Variants in COL7A1 observed in about 807,000 individuals in gnomAD.
The protein encoded by COL7A1 is collagen type VII alpha 1 chain, also known as collagen alpha-1(VII) chain.
COL7A1 carries 296 observed loss-of-function variants against 456.2 expected under a neutral mutation model. That is an observed-to-expected ratio of 0.65 (90% CI 0.59 to 0.71). The LOEUF is 0.71. Ranked by LOEUF, COL7A1 falls within the 30% of genes least tolerant of loss-of-function variation. COL7A1 has a pLI of 0.00. For missense variants in COL7A1, 3,441 were observed against 4,017.2 expected, an observed-to-expected ratio of 0.86 and a Z score of 3.88; for synonymous variants, 1,464 against 1,525.9, an observed-to-expected ratio of 0.96 and a Z score of 0.95.
chr3:48,591,808 G>A lies in COL7A1; in HGVS notation c.1372C>T (p.Gln458Ter). 1 of 1,614,178 alleles carries A rather than the reference G, an allele frequency of 6.2e-7. No homozygotes were observed. Among genetic ancestry groups the A allele is most frequent in the Non-Finnish European group, 8.5e-7 (1 of 1,180,032 alleles). ...ACATCAGAGGGCAGTACCACCTTCT[G>A]CGGTGGCTCCAAGCCTGCAAGATAA... is the stretch of plus-strand genomic sequence containing the variant. ...WRRETGLEPP[Q>*]KVVLPSDVTR... Residue 458 changes from glutamine (Q) to a stop codon, truncating the protein, a stop_gained, in exon 12 of 119, where the codon CAG (glutamine) becomes TAG (stop). Transcript: ENST00000681320. LOFTEE classifies it high-confidence loss of function. This position sits in a 1 kb window ranked among gnomAD's most constrained non-coding sequence, Gnocchi z 7.0.
chr3:48,576,088 C>T (rs1560218592), intron 71 of COL7A1, among the ~76,000 whole-genome samples, 161 bp downstream of exon 71: 1 of 152,170 alleles, frequency 6.6e-6, no homozygotes, highest in Admixed American at 6.5e-5. Context: ...TCCCCACTGC[C>T]CAAGTTCCCT....
rs2044760978 is a variant in COL7A1, at chr3:48,581,585, G to A, written c.4770C>T (p.Asp1590=). ...VLPGDPGPKG[D]PGDRGPIGLT... ...CACATTGATTCACCCGGTCTCCAGG[G>A]TCTCCCTTGGGGCCAGGGTCTCCAG... is the stretch of plus-strand genomic sequence containing the variant. The change falls in exon 50 of 119, where the codon GAC becomes GAT. Residue 1590 remains aspartate, a synonymous_variant. Coordinates refer to ENST00000681320, the MANE Select transcript of COL7A1 (RefSeq NM_000094.4). The surrounding 1 kb of genome is among the most constrained non-coding windows in gnomAD (Gnocchi z 5.8). 3 of 1,614,002 alleles carry A rather than the reference G, an allele frequency of 1.9e-6. No individual in the cohort carries two copies. The highest frequency in any genetic ancestry group is 1.7e-5 in the Admixed American group (1 of 59,994).
rs1393537216 is a variant in COL7A1, at chr3:48,585,955, T to G, written c.3744A>C (p.Pro1248=). ...FTTQPRPEPC[P]VYCPKGQKGE... is the part of the protein sequence containing the mutation. Reference sequence around the variant, plus strand: ...GGACTCTTACCTTTGGACAATACACTGGGCAGGGCTCTGGCCGGGGCTGCG... The same window carrying G: ...GGACTCTTACCTTTGGACAATACACGGGGCAGGGCTCTGGCCGGGGCTGCG... Residue 1248 remains proline (P), a synonymous_variant, in exon 29 of 119, where the codon CCA becomes CCC. Coordinates refer to ENST00000681320, the MANE Select transcript of COL7A1 (RefSeq NM_000094.4). The surrounding 1 kb of genome is among the most constrained non-coding windows in gnomAD (Gnocchi z 4.5). The G allele has an allele frequency of 2.5e-6, 4 of 1,614,030 alleles. No individual in the cohort carries two copies. Among genetic ancestry groups the G allele is most frequent in the Middle Eastern group, 1.6e-4 (1 of 6,062 alleles).
chr3:48,568,151 C>G lies in COL7A1; in HGVS notation c.7814G>C (p.Gly2605Ala), dbSNP rs775060518. 6.2e-7 allele frequency: 1 copy of G among 1,613,928 alleles called. No homozygotes were observed. The highest frequency in any genetic ancestry group is 8.5e-7 in the Non-Finnish European group (1 of 1,180,032). Residue 2605 changes from glycine to alanine, a missense_variant, in exon 106 of 119, where the codon GGA becomes GCA. Around this residue, in one of 3 missense-constraint regions of COL7A1, gnomAD observed 2,084 missense variants for 2,501.3 expected, o/e 0.83. Transcript: ENST00000681320. This position sits in a 1 kb window ranked among gnomAD's most constrained non-coding sequence, Gnocchi z 5.2. ...TTTTTCTCCTCGGATACCAGGCACT[C>G]CATCCTTTCCTGGGGATCCCTAGCA... ...PGDPGSPGKD[G>A]VPGIRGEKGD... is the part of the protein sequence containing the mutation.
At position 48,568,537 on chromosome 3, in the gene COL7A1, G is replaced by C. The variant is rs1030248456; in HGVS notation, c.7759-3C>G. 2.5e-6 allele frequency: 4 copies of C among 1,607,298 alleles called. No individual in the cohort carries two copies. The highest frequency in any genetic ancestry group is 2.6e-6 in the Non-Finnish European group (3 of 1,175,210). On this transcript the variant is annotated splice_region_variant and splice_polypyrimidine_tract_variant and intron_variant, in intron 104 of 118. Transcript: ENST00000681320. The surrounding 1 kb of genome is among the most constrained non-coding windows in gnomAD (Gnocchi z 5.2). ...ATCCCTGCTGCACCAGGTTGACCCT[G>C]TGAGAAACACAGATGGGGGAGCCCT...
In COL7A1 at chr3:48,575,512, C is replaced by T. The variant is rs121912832; in HGVS notation, c.6007G>A (p.Gly2003Arg). ...EGPIGFPGERGLKGDRGDPGP... is the reference protein window; with the variant it reads ...EGPIGFPGERRLKGDRGDPGP... ...GGGTCTCCACGGTCGCCCTTCAGCCCGCGTTCTCCAGGAAAGCCGATGGGG... is the reference window on the plus strand; with the variant it reads ...GGGTCTCCACGGTCGCCCTTCAGCCTGCGTTCTCCAGGAAAGCCGATGGGG... The change falls in exon 74 of 119, where the codon GGG (glycine) becomes AGG (arginine). Residue 2003 changes from glycine (G) to arginine (R), a missense_variant. By Grantham distance (125) the Gly-to-Arg change is moderately radical. Around this residue, in one of 3 missense-constraint regions of COL7A1, gnomAD observed 2,084 missense variants for 2,501.3 expected, o/e 0.83. Transcript: ENST00000681320. This position sits in a 1 kb window ranked among gnomAD's most constrained non-coding sequence, Gnocchi z 6.3. The T allele has an allele frequency of 1.9e-6, 3 of 1,612,732 alleles. No individual in the cohort carries two copies. Among genetic ancestry groups the T allele is most frequent in the Non-Finnish European group, 2.5e-6 (3 of 1,179,890 alleles).
In COL7A1 at chr3:48,593,169, C is replaced by A. The variant is rs774431651; in HGVS notation, c.615G>T (p.Arg205Ser). ...FFFVNDFSIL[R>S]TLLPLVSRRV... ...TCCGGGAAACGAGGGGCAGTAGTGT[C>A]CTCAAGATGCTGAAGTCATTGACGA... Residue 205 changes from arginine (R) to serine (S), a missense_variant, in exon 6 of 119, where the codon AGG becomes AGT. Physicochemically the swap from Arg to Ser is moderately radical, Grantham distance 110. Transcript: ENST00000681320. The surrounding 1 kb of genome is among the most constrained non-coding windows in gnomAD (Gnocchi z 4.4). 6.2e-7 allele frequency: 1 copy of A among 1,614,106 alleles called. No individual in the cohort carries two copies. The highest frequency in any genetic ancestry group is 8.5e-7 in the Non-Finnish European group (1 of 1,180,016).
chr3:48,579,212 C>T lies in COL7A1; in HGVS notation c.5373G>A (p.Gly1791=). The change falls in exon 62 of 119, where the codon GGG becomes GGA. Residue 1791 remains glycine, a synonymous_variant. Transcript: ENST00000681320. This position sits in a 1 kb window ranked among gnomAD's most constrained non-coding sequence, Gnocchi z 4.4. ...CAAGACTCACATTCGGCCCAGAGGG[C>T]CCAGCGGCTCCTGGTTTCCCATCCA... ...SGLDGKPGAA[G]PSGPNGAAGK... The T allele has an allele frequency of 6.2e-7, 1 of 1,613,560 alleles. No homozygotes were observed. The highest frequency in any genetic ancestry group is 8.5e-7 in the Non-Finnish European group (1 of 1,180,016).
In COL7A1 at chr3:48,578,795, AC is replaced by A. The variant is rs2044507453; in HGVS notation, c.5424+123del. On this transcript the variant is annotated intron_variant, in intron 63 of 118. Coordinates refer to ENST00000681320, the MANE Select transcript of COL7A1 (RefSeq NM_000094.4). This position sits in a 1 kb window ranked among gnomAD's most constrained non-coding sequence, Gnocchi z 4.7. ...TAAAACCTGTGTGCCAGGGACTGAGACCCTCCCAAAGGCAAGGCTGAACCGA... is the reference window on the plus strand; with the variant it reads ...TAAAACCTGTGTGCCAGGGACTGAGACCTCCCAAAGGCAAGGCTGAACCGA... 1 of 1,010,004 alleles carries A rather than the reference AC, an allele frequency of 9.9e-7. No homozygotes were observed. The highest frequency in any genetic ancestry group is 2.7e-5 in the Admixed American group (1 of 37,656). 62.6% of individuals were successfully genotyped at this position (1,010,004 alleles called of 1,614,324 possible).
chr3:48,576,858 A>T, intron 67 of COL7A1, 26 bp downstream of exon 67: 1 of 1,614,080 alleles, frequency 6.2e-7, no homozygotes, highest in Non-Finnish European at 8.5e-7. Context: ...CAGGGGTCAG[A>T]GGTTGCAGAA....
In COL7A1 at chr3:48,570,819, A is replaced by G; in HGVS notation, c.7272+42T>C. The G allele has an allele frequency of 1.9e-6, 3 of 1,579,660 alleles. No individual in the cohort carries two copies. The highest frequency in any genetic ancestry group is 2.6e-6 in the Non-Finnish European group (3 of 1,162,514). ...AGGCAGGGCCCCCTCCTCACCCACCATGGATTCACCATGCCCCTACATGCT... is the reference window on the plus strand; with the variant it reads ...AGGCAGGGCCCCCTCCTCACCCACCGTGGATTCACCATGCCCCTACATGCT... On this transcript the variant is annotated intron_variant, in intron 95 of 118. Transcript: ENST00000681320. The surrounding 1 kb of genome is among the most constrained non-coding windows in gnomAD (Gnocchi z 5.5).
In COL7A1 at chr3:48,591,409, C is replaced by T. The variant is rs2045687286; in HGVS notation, c.1636+55G>A. The T allele has an allele frequency of 1.2e-6, 2 of 1,606,074 alleles. No homozygotes were observed. Among genetic ancestry groups the T allele is most frequent in the Non-Finnish European group, 1.7e-6 (2 of 1,175,750 alleles). ...AGAGGGCTGGAGGTACACTCAGACC[C>T]CTCAGGCTGGAACTTCAGTGTGTGT... On this transcript the variant is annotated intron_variant, in intron 13 of 118. Transcript: ENST00000681320. The surrounding 1 kb of genome is among the most constrained non-coding windows in gnomAD (Gnocchi z 7.0).
At position 48,583,981 on chromosome 3, in the gene COL7A1, G is replaced by A; in HGVS notation, c.4225-28C>T. On this transcript the variant is annotated intron_variant, in intron 38 of 118. Transcript: ENST00000681320. The surrounding 1 kb of genome is among the most constrained non-coding windows in gnomAD (Gnocchi z 5.1). ...GGGAGAGAACAGCAGGTCAGGGAAT[G>A]AACAGGGGAATCAGACTCCAAGCCA... is the stretch of plus-strand genomic sequence containing the variant. The A allele has an allele frequency of 1.2e-6, 2 of 1,613,932 alleles. No homozygotes were observed. The highest frequency in any genetic ancestry group is 2.2e-5 in the East Asian group (1 of 44,848).
In COL7A1 at chr3:48,567,990, C is replaced by T. The variant is rs2043683602; in HGVS notation, c.7876-99G>A. 9 of 1,599,342 alleles carry T rather than the reference C, an allele frequency of 5.6e-6. No homozygotes were observed. Among genetic ancestry groups the T allele is most frequent in the Admixed American group, 1.7e-5 (1 of 59,718 alleles). On this transcript the variant is annotated intron_variant, in intron 106 of 118. Coordinates refer to ENST00000681320, the MANE Select transcript of COL7A1 (RefSeq NM_000094.4). The surrounding 1 kb of genome is among the most constrained non-coding windows in gnomAD (Gnocchi z 4.3). Reference sequence around the variant, plus strand: ...CTCTCCAAACAGGCCTCAGCTACTCCAACCTCTGACCCAGTGCCCTAATAT... The same window carrying T: ...CTCTCCAAACAGGCCTCAGCTACTCTAACCTCTGACCCAGTGCCCTAATAT...
Position 48,580,216 on chromosome 3 carries a change from C to T in COL7A1, c.5097+84G>A, listed in dbSNP as rs2044644357. ...CATCCATGCTTCCCACCTGGACCTCCAGACCCCTTGTGTGAAGGCACACTG... is the reference window on the plus strand; with the variant it reads ...CATCCATGCTTCCCACCTGGACCTCTAGACCCCTTGTGTGAAGGCACACTG... On this transcript the variant is annotated intron_variant, in intron 56 of 118. Transcript: ENST00000681320. This position sits in a 1 kb window ranked among gnomAD's most constrained non-coding sequence, Gnocchi z 4.5. The T allele has an allele frequency of 1.3e-6, 2 of 1,564,548 alleles. No individual in the cohort carries two copies. Among genetic ancestry groups the T allele is most frequent in the African/African-American group, 2.7e-5 (2 of 73,780 alleles).
rs1312008973 is a variant in COL7A1 at position 48,573,091 on chromosome 3, T to C, written c.6715-35A>G. On this transcript the variant is annotated intron_variant, in intron 85 of 118. Transcript: ENST00000681320. The surrounding 1 kb of genome is among the most constrained non-coding windows in gnomAD (Gnocchi z 5.5). Reference sequence around the variant, plus strand: ...AACAAGTCGGATGTCAGGGTGACAATGGACACAGGACGACATGAGAGAACA... The same window carrying C: ...AACAAGTCGGATGTCAGGGTGACAACGGACACAGGACGACATGAGAGAACA... 1.2e-6 allele frequency: 2 copies of C among 1,613,878 alleles called. No individual in the cohort carries two copies. The highest frequency in any genetic ancestry group is 1.6e-4 in the Middle Eastern group (1 of 6,084).
rs1359792853 is a variant in COL7A1 at position 48,588,131 on chromosome 3, C to T, written c.2710+151G>A. On this transcript the variant is annotated intron_variant, in intron 21 of 118. Transcript: ENST00000681320. This position sits in a 1 kb window ranked among gnomAD's most constrained non-coding sequence, Gnocchi z 4.6. ...CCTCCATGAACTCATTGATCCCACC[C>T]ACTTCATTGATTGATCTTACCTACT... The T allele has an allele frequency of 7.4e-7, 1 of 1,348,648 alleles. No homozygotes were observed. 83.5% of individuals were successfully genotyped at this position (1,348,648 alleles called of 1,614,324 possible).
Position 48,575,114 on chromosome 3 carries a change from G to T in COL7A1, c.6229C>A (p.Pro2077Thr). 1 of 1,613,734 alleles carries T rather than the reference G, an allele frequency of 6.2e-7. No individual in the cohort carries two copies. Among genetic ancestry groups the T allele is most frequent in the Non-Finnish European group, 8.5e-7 (1 of 1,179,836 alleles). The stretch of plus-strand genomic sequence containing the variant: ...CCAGGGGTTCCAGGGAGTCCAGGAG[G>T]GCCATCTCTGCCCTGCAGGAAACAA... Reference protein sequence around the residue: ...GERGEQGRDGPPGLPGTPGPP... With the variant: ...GERGEQGRDGTPGLPGTPGPP... Residue 2077 changes from proline to threonine, a missense_variant, in exon 76 of 119, where the codon CCT becomes ACT. By Grantham distance (38) the Pro-to-Thr change is conservative. Transcript: ENST00000681320. This position sits in a 1 kb window ranked among gnomAD's most constrained non-coding sequence, Gnocchi z 6.3.
In COL7A1 at chr3:48,580,560, G is replaced by A. The variant is rs1431406954; in HGVS notation, c.5052+21C>T. 1 of 1,611,992 alleles carries A rather than the reference G, an allele frequency of 6.2e-7. No individual in the cohort carries two copies. The highest frequency in any genetic ancestry group is 1.1e-5 in the South Asian group (1 of 90,936). On this transcript the variant is annotated intron_variant, in intron 55 of 118. Transcript: ENST00000681320. The surrounding 1 kb of genome is among the most constrained non-coding windows in gnomAD (Gnocchi z 4.5). The stretch of plus-strand genomic sequence containing the variant: ...GTTGGAGGGTTAAGGTTGGGGTGAG[G>A]AGTCATAGGCTGGGACTCACATTTC...
Sources: allele counts gnomAD v4.1 joint callset (sites outside exome capture counted in the v4.1 genomes callset), GRCh38; gene constraint gnomAD v4.1.1; regional missense constraint gnomAD v4.1.1; non-coding constraint Gnocchi (gnomAD v3.1); transcripts MANE v1.5; gene names NCBI Gene and HGNC (gene_info 2026-07-23, HGNC 2026-07-21).